Variants in MARCHF1 observed in about 807,000 individuals in gnomAD.
MARCHF1 encodes the protein membrane associated ring-CH-type finger 1.
A neutral mutation model predicts 54.2 loss-of-function variants in MARCHF1; 40 were observed. The observed-to-expected ratio is 0.74, with a 90% CI of 0.57 to 0.96. The LOEUF (loss-of-function observed/expected upper bound fraction) is 0.96, where lower values mean the gene tolerates loss of function less well. Among genes scored for constraint, MARCHF1 ranks in the 40% least tolerant of loss-of-function variants. The probability of loss-of-function intolerance (pLI) is 0.00; values close to 1 mark genes in which losing one functional copy is unlikely to be tolerated. For synonymous variants in MARCHF1, 236 were observed against 236.3 expected (o/e 1.00, Z 0.01); for missense variants, 586 against 656.5 (o/e 0.89, Z 1.17).
In MARCHF1 at chr4:163,736,443, C is replaced by T. The variant is rs535412587; in HGVS notation, c.112-35580G>A. ...ACTCAAAACTGTATGCAATTTAAAA[C>T]TTATACATTGTTTAAATTCTAGAAT... is the stretch of plus-strand genomic sequence containing the variant. On this transcript the variant is annotated intron_variant, in intron 4 of 9. Transcript: ENST00000514618. 2.1e-5 allele frequency among the ~76,000 whole-genome samples: 3 copies of T among 145,864 alleles called. No homozygotes were observed. The South Asian group carries it at 6.4e-4, about 31-fold the overall frequency.
At chr4:164,210,872 C>T (rs1579626374) in intron 1 of MARCHF1, among the ~76,000 whole-genome samples, 1 of 152,026 alleles carries the variant, frequency 6.6e-6, no homozygotes, top group African/African-American at 2.4e-5. Flanking sequence ...ACTATTCTGC[C>T]TTTATAAAGA....
chr4:163,955,761 T>A (rs1752220800), intron 3 of MARCHF1, among the ~76,000 whole-genome samples: 1 of 152,140 alleles, frequency 6.6e-6, no homozygotes, highest in Non-Finnish European at 1.5e-5. Context: ...CATATTCCAG[T>A]CATGTCCATA....
intron 1 of MARCHF1, among the ~76,000 whole-genome samples, chr4:164,142,770 C>T (rs990544564): frequency 2.0e-5 from 3 of 152,156 alleles, no homozygotes; most frequent in African/African-American, 7.2e-5. Flanking sequence ...AGCAACTCTC[C>T]TCCTCCAAAG....
chr4:163,768,235 CCTT>C (rs1747048627), intron 4 of MARCHF1, among the ~76,000 whole-genome samples: 2 of 152,096 alleles, frequency 1.3e-5, no homozygotes, highest in Non-Finnish European at 2.9e-5. Context: ...TTTAACTTCT[CCTT>C]CTCAGTTGGA....
chr4:163,635,927 A>C (rs1452181617), intron 5 of MARCHF1, among the ~76,000 whole-genome samples: 17 of 152,192 alleles, frequency 1.1e-4, no homozygotes, highest in Admixed American at 1.1e-3. Flanking sequence ...CTGGGATGCA[A>C]GGTTGGTTCA....
intron 1 of MARCHF1, among the ~76,000 whole-genome samples, chr4:164,119,783 A>T (rs1269986468): frequency 6.6e-6 from 1 of 151,946 alleles, no homozygotes; most frequent in African/African-American, 2.4e-5. Flanking sequence ...ACAATTTACA[A>T]AAGTTGTCCA....
intron 1 of MARCHF1, among the ~76,000 whole-genome samples, chr4:164,247,625 TA>T (rs1732993028): frequency 4.6e-5 from 2 of 43,920 alleles, no homozygotes; most frequent in South Asian, 2.1e-3. Context: ...AAAAAAAAGT[TA>T]AAAGAAAAAA....
At chr4:163,846,314 G>A (rs2111147518) in intron 4 of MARCHF1, among the ~76,000 whole-genome samples, 1 of 152,266 alleles carries the variant, frequency 6.6e-6, no homozygotes, top group Non-Finnish European at 1.5e-5. Flanking sequence ...TAGAAATAAT[G>A]CAATAGGTTT....
chr4:164,340,996 C>T (rs1310629948), intron 1 of MARCHF1, among the ~76,000 whole-genome samples: 1 of 150,518 alleles, frequency 6.6e-6, no homozygotes, highest in African/African-American at 2.4e-5. Context: ...TACTGGCAAA[C>T]TGAATGCAAC....
chr4:163,876,918 A>G (rs1750301859), intron 3 of MARCHF1, among the ~76,000 whole-genome samples: 1 of 152,180 alleles, frequency 6.6e-6, no homozygotes, highest in Non-Finnish European at 1.5e-5. Flanking sequence ...GAAAATGTTA[A>G]GCTAATAATA....
At chr4:164,221,814 G>C (rs1579635462) in intron 1 of MARCHF1, among the ~76,000 whole-genome samples, 3 of 152,104 alleles carry the variant, frequency 2.0e-5, no homozygotes, top group Middle Eastern at 6.8e-3. Flanking sequence ...CAGCTGACTG[G>C]TTACATTCTG....
At chr4:163,828,054 C>CACACAGAGAGAG (rs774603753) in intron 4 of MARCHF1, among the ~76,000 whole-genome samples, 24 of 148,202 alleles carry the variant, frequency 1.6e-4, no homozygotes, top group Admixed American at 5.4e-4. Context: ...CACACACACA[C>CACACAGAGAGAG]AGACACACCT....
At chr4:163,727,594 C>T (rs1033284156) in intron 4 of MARCHF1, among the ~76,000 whole-genome samples, 12 of 149,882 alleles carry the variant, frequency 8.0e-5, no homozygotes, top group South Asian at 6.4e-4. Context: ...CGTGAGCCAA[C>T]GCACCTGGCC....
chr4:164,218,356 C>T (rs1048894767), intron 1 of MARCHF1, among the ~76,000 whole-genome samples: 1 of 151,880 alleles, frequency 6.6e-6, no homozygotes, highest in African/African-American at 2.4e-5. Flanking sequence ...TACTCCTAAA[C>T]TTTCAGGAAT....
In MARCHF1 at chr4:164,106,537, A is replaced by G. The variant is rs1755703621; in HGVS notation, c.-248+5051T>C. 2.2e-5 allele frequency among the ~76,000 whole-genome samples: 3 copies of G among 137,552 alleles called. No individual in the cohort carries two copies. The South Asian group carries it at 7.2e-4, about 33-fold the overall frequency. 90.2% of individuals were successfully genotyped at this position (137,552 alleles called of 152,430 possible). ...AAGAACAAAAAACCAAACACCGCAT[A>G]TTCTCACTCATAGGTGGGAATTGAA... On this transcript the variant is annotated intron_variant, in intron 2 of 9. Transcript: ENST00000514618.
chr4:163,940,047 T>G (rs1010841038), intron 3 of MARCHF1, among the ~76,000 whole-genome samples: 3 of 152,104 alleles, frequency 2.0e-5, no homozygotes, highest in Admixed American at 2.0e-4. Flanking sequence ...AGTGCCCTTC[T>G]AAGAAGAAAC....
chr4:163,861,056 A>G (rs1749918179), intron 3 of MARCHF1, among the ~76,000 whole-genome samples: 1 of 152,230 alleles, frequency 6.6e-6, no homozygotes, highest in Non-Finnish European at 1.5e-5. Flanking sequence ...TAAGGACTAT[A>G]CTGGAAAAAG....
intron 4 of MARCHF1, among the ~76,000 whole-genome samples, chr4:163,785,867 G>A (rs186761104): frequency 1.1e-4 from 17 of 152,134 alleles, no homozygotes; most frequent in Admixed American, 4.6e-4. Flanking sequence ...AGGATTCTGG[G>A]ATGGTGAAAA....
chr4:164,376,338 T>TC (rs1731191526), intron 1 of MARCHF1, among the ~76,000 whole-genome samples: 2 of 152,250 alleles, frequency 1.3e-5, no homozygotes, highest in African/African-American at 4.8e-5. Flanking sequence ...TTTCTTTTTT[T>TC]CTCTCATTGT....
Sources: allele counts gnomAD v4.1 joint callset (sites outside exome capture counted in the v4.1 genomes callset), GRCh38; gene constraint gnomAD v4.1.1; transcripts MANE v1.5; gene names NCBI Gene and HGNC (gene_info 2026-07-23, HGNC 2026-07-21).